The following CBFA2T2 variants were observed in gnomAD, a reference collection of about 807,000 sequenced individuals.
The protein encoded by CBFA2T2 is CBFA2/RUNX1 partner transcriptional co-repressor 2, also known as protein CBFA2T2.
CBFA2T2 carries 11 observed loss-of-function variants against 62.2 expected under a neutral mutation model. That is an observed-to-expected ratio of 0.18 (90% CI 0.11 to 0.29). CBFA2T2 has a LOEUF of 0.29. Ranked by LOEUF, CBFA2T2 falls within the 10% of genes least tolerant of loss-of-function variation. CBFA2T2 has a pLI of 1.00. For synonymous variants in CBFA2T2, 295 were observed against 287.5 expected, an observed-to-expected ratio of 1.03 and a Z score of -0.27; for missense variants, 592 against 774.1, an observed-to-expected ratio of 0.76 and a Z score of 2.79.
chr20:33,606,335 C>T (rs897375162), intron 1 of CBFA2T2, among the ~76,000 whole-genome samples: 3 of 152,208 alleles, frequency 2.0e-5, no homozygotes, highest in African/African-American at 7.2e-5. Context: ...TTTCAGTTCA[C>T]ATCACCTCTT....
intron 10 of CBFA2T2, 38 bp from the exon 11 acceptor site, chr20:33,644,309 A>G (rs781508816): frequency 1.3e-6 from 2 of 1,583,352 alleles, no homozygotes; most frequent in African/African-American, 2.7e-5. Flanking sequence ...CCTGCCCCTC[A>G]ATCCCAGCAA....
At chr20:33,511,994 A>T (rs1012201649) in intron 1 of CBFA2T2, among the ~76,000 whole-genome samples, 1 of 152,182 alleles carries the variant, frequency 6.6e-6, no homozygotes, top group African/African-American at 2.4e-5. Flanking sequence ...CCAGGCCAAC[A>T]TGTGAAACCC....
intron 10 of CBFA2T2, 136 bp downstream of exon 10, chr20:33,640,667 AG>A (rs1396319749): frequency 4.1e-6 from 3 of 739,432 alleles, no homozygotes; most frequent in African/African-American, 3.5e-5. Context: ...ATCCAGTGCC[AG>A]GAGAGTTTTG....
At chr20:33,568,399 G>A (rs1023025881) in intron 1 of CBFA2T2, among the ~76,000 whole-genome samples, 5 of 152,180 alleles carry the variant, frequency 3.3e-5, no homozygotes, top group African/African-American at 1.2e-4. Flanking sequence ...AAGGGTGCGT[G>A]TAGAGAATGC....
chr20:33,510,514 T>G (rs2011491581), intron 1 of CBFA2T2, among the ~76,000 whole-genome samples: 2 of 152,156 alleles, frequency 1.3e-5, no homozygotes, highest in Admixed American at 6.6e-5. Flanking sequence ...CCCGGCCACA[T>G]TTTCTTAATC....
At chr20:33,623,855 G>A in intron 5 of CBFA2T2, 2 of 717,000 alleles carry the variant, frequency 2.8e-6, no homozygotes, top group East Asian at 2.7e-5. Flanking sequence ...TGCACACCCG[G>A]TAAGAAACTC....
At chr20:33,583,754 TC>T (rs776937461) in intron 1 of CBFA2T2, among the ~76,000 whole-genome samples, 16 of 152,248 alleles carry the variant, frequency 1.1e-4, no homozygotes, top group Non-Finnish European at 1.9e-4. Context: ...GCATTCATCC[TC>T]AGTACTTGAC....
chr20:33,587,558 G>A (rs569667165), intron 1 of CBFA2T2, among the ~76,000 whole-genome samples: 139 of 152,170 alleles, frequency 9.1e-4, no homozygotes, highest in Middle Eastern at 6.8e-3. Flanking sequence ...GAGCCACCGC[G>A]TCTGGCCAAT....
intron 1 of CBFA2T2, among the ~76,000 whole-genome samples, chr20:33,597,417 G>A (rs991184109): frequency 6.6e-6 from 1 of 152,158 alleles, no homozygotes; most frequent in Non-Finnish European, 1.5e-5. Context: ...TGTTAAGACA[G>A]GGGTCTCCAA....
Position 33,636,673 on chromosome 20 carries a change from C to T in CBFA2T2, c.1262C>T (p.Thr421Ile), listed in dbSNP as rs2122377524. The change falls in exon 9 of 11, where the codon ACA (threonine) becomes ATA (isoleucine). Residue 421 changes from threonine to isoleucine, a missense_variant. By Grantham distance (89) the Thr-to-Ile change is moderately conservative (BLOSUM62 -1). Coordinates refer to ENST00000342704, the MANE Select transcript of CBFA2T2 (RefSeq NM_001032999.3). ...AGAGAGTTCAACAGCAGGCCAGGTA[C>T]AGGATACGTACCTGTGGAGTTTTGG... Reference protein sequence around the residue: ...SQREFNSRPGTGYVPVEFWKK... With the variant: ...SQREFNSRPGIGYVPVEFWKK... 6.2e-7 allele frequency: 1 copy of T among 1,613,738 alleles called. No individual in the cohort carries two copies. The highest frequency in any genetic ancestry group is 8.5e-7 in the Non-Finnish European group (1 of 1,179,754).
At chr20:33,585,628 A>C (rs2014330325) in intron 1 of CBFA2T2, among the ~76,000 whole-genome samples, 2 of 152,228 alleles carry the variant, frequency 1.3e-5, no homozygotes, top group African/African-American at 4.8e-5. Context: ...GTCAAACATT[A>C]TGAACATTTT....
At chr20:33,512,905 A>T (rs150913306) in intron 1 of CBFA2T2, among the ~76,000 whole-genome samples, 15 of 151,938 alleles carry the variant, frequency 9.9e-5, no homozygotes, top group African/African-American at 2.7e-4. Flanking sequence ...GGCTCCTGCC[A>T]CCAAGCCCAG....
intron 1 of CBFA2T2, chr20:33,562,612 A>G: frequency 3.0e-6 from 3 of 985,688 alleles, no homozygotes; most frequent in Non-Finnish European, 3.6e-6. Flanking sequence ...GCTTTGGAAT[A>G]TCTATTTCAA....
chr20:33,580,356 T>C (rs2014056009), intron 1 of CBFA2T2, among the ~76,000 whole-genome samples: 1 of 152,214 alleles, frequency 6.6e-6, no homozygotes, highest in Non-Finnish European at 1.5e-5. Context: ...CTATGTACTA[T>C]GTTCTGGCCA....
intron 1 of CBFA2T2, among the ~76,000 whole-genome samples, chr20:33,532,754 T>TG (rs1434149895): frequency 1.3e-5 from 2 of 152,228 alleles, no homozygotes; most frequent in African/African-American, 4.8e-5. Context: ...TATTCTGACT[T>TG]GCAGTTTAAA....
rs1568851779 is a variant in CBFA2T2 at position 33,611,465 on chromosome 20, G to C, written c.420+130G>C. 3 of 1,009,364 alleles carry C rather than the reference G, an allele frequency of 3.0e-6. No individual in the cohort carries two copies. The East Asian group carries it at 7.3e-5, about 24-fold the overall frequency. The allele number at this position is 1,009,364 out of a possible 1,614,324, so 62.5% of individuals were successfully genotyped here. On this transcript the variant is annotated intron_variant, in intron 3 of 10. Coordinates refer to ENST00000342704, the MANE Select transcript of CBFA2T2 (RefSeq NM_001032999.3). ...ATGGCAAATGCTACAGACTAGACTA[G>C]TTATTGAATAACTTGTGTAAAACTG...
intron 1 of CBFA2T2, among the ~76,000 whole-genome samples, chr20:33,570,155 C>T (rs1420225569): frequency 1.3e-5 from 2 of 152,206 alleles, no homozygotes; most frequent in African/African-American, 4.8e-5. Flanking sequence ...GTGGCACATG[C>T]CTGTAATCCC....
At chr20:33,534,666 A>AT (rs2146872279) in intron 1 of CBFA2T2, among the ~76,000 whole-genome samples, 1 of 145,178 alleles carries the variant, frequency 6.9e-6, no homozygotes, top group African/African-American at 2.6e-5. Flanking sequence ...CTTTGCAAAT[A>AT]TTTTCTCCCA....
rs113074739 is a variant in CBFA2T2, at chr20:33,627,186, A to G, written c.947-1164A>G. 4.3e-3 allele frequency among the ~76,000 whole-genome samples: 647 copies of G among 152,234 alleles called. 6 individuals carry two copies. The highest frequency in any genetic ancestry group is 0.017 in the Middle Eastern group (5 of 294). ...GCCTAGGTGGGCGAATCGTGAGGTC[A>G]GGAGATCGAGACCATCCTGGCTAAC... On this transcript the variant is annotated intron_variant, in intron 6 of 10. Transcript: ENST00000342704.
Sources: allele counts gnomAD v4.1 joint callset (sites outside exome capture counted in the v4.1 genomes callset), GRCh38; gene constraint gnomAD v4.1.1; transcripts MANE v1.5; gene names NCBI Gene and HGNC (gene_info 2026-07-23, HGNC 2026-07-21).